Variants in KCNT1 observed in about 807,000 individuals in gnomAD.
KCNT1 encodes potassium channel subfamily T member 1.
A neutral mutation model predicts 147.8 loss-of-function variants in KCNT1; 78 were observed. That is an observed-to-expected ratio of 0.53 (90% CI 0.44 to 0.64). KCNT1 has a LOEUF of 0.64. Among genes scored for constraint, KCNT1 ranks in the 30% least tolerant of loss-of-function variants. The pLI, the probability that KCNT1 is intolerant of heterozygous loss-of-function variation, is 0.00. For synonymous variants in KCNT1, 867 were observed against 748.8 expected, an observed-to-expected ratio of 1.16 and a Z score of -2.58; for missense variants, 1,419 against 1,750.3, an observed-to-expected ratio of 0.81 and a Z score of 3.38.
At chr9:135,705,901 C>T (rs1211004322) in intron 1 of KCNT1, among the ~76,000 whole-genome samples, 11 of 58,306 alleles carry the variant, frequency 1.9e-4, no homozygotes, top group South Asian at 1.2e-3. Flanking sequence ...AGATCGGGGG[C>T]GGGAGGTGGG....
chr9:135,788,156 T>G, intron 29 of KCNT1: 3 of 1,612,548 alleles, frequency 1.9e-6, no homozygotes, highest in Non-Finnish European at 1.7e-6. Context: ...CCTGGGATAT[T>G]TGCAAGGTAA....
At chr9:135,742,679 T>C in intron 2 of KCNT1, 1 of 712,892 alleles carries the variant, frequency 1.4e-6, no homozygotes, top group East Asian at 2.7e-5. Flanking sequence ...GTCTGTCTAC[T>C]GCCTTCTCCA....
At position 135,784,513 on chromosome 9, in the gene KCNT1, CCCT is replaced by C; in HGVS notation, c.2944-19_2944-17del. The C allele has an allele frequency of 1.8e-6, 1 of 559,122 alleles. No individual in the cohort carries two copies. The highest frequency in any genetic ancestry group is 3.3e-6 in the Non-Finnish European group (1 of 306,612). The allele number at this position is 559,122 out of a possible 1,614,324, so 34.6% of individuals were successfully genotyped here. On this transcript the variant is annotated intron_variant, in intron 25 of 30. Transcript: ENST00000371757. Reference sequence around the variant, plus strand: ...TCCCTCCCTCCCTCCCTCCCTCCCTCCCTCCCTCCCTCCCTGGCCAGTCCTTCG... The same window carrying C: ...TCCCTCCCTCCCTCCCTCCCTCCCTCCCCTCCCTCCCTGGCCAGTCCTTCG...
intron 2 of KCNT1, among the ~76,000 whole-genome samples, chr9:135,741,428 C>T (rs769509182): frequency 6.6e-6 from 1 of 152,230 alleles, no homozygotes; most frequent in Admixed American, 6.5e-5. Context: ...ACGGCTGTTG[C>T]CCTGGCTCAG....
chr9:135,772,488 A>G (rs2131519017), intron 18 of KCNT1, among the ~76,000 whole-genome samples: 1 of 152,238 alleles, frequency 6.6e-6, no homozygotes, highest in Middle Eastern at 3.4e-3. Context: ...CCGATGGGGC[A>G]CTGGGGCCCC....
chr9:135,781,456 C>G (rs998439), intron 24 of KCNT1, among the ~76,000 whole-genome samples: 16,866 of 152,278 alleles, frequency 0.11, 1,259 homozygotes, highest in South Asian at 0.18. Context: ...TGCGTCTTCT[C>G]CAGCCTGGGT....
At position 135,786,190 on chromosome 9, in the gene KCNT1, T is replaced by TGCCCA. The variant is rs772240955; in HGVS notation, c.3178-5_3178-1dup. On this transcript the variant is annotated splice_region_variant and splice_polypyrimidine_tract_variant and intron_variant, in intron 28 of 30. Coordinates refer to ENST00000371757, the MANE Select transcript of KCNT1 (RefSeq NM_020822.3). The stretch of plus-strand genomic sequence containing the variant: ...CTCCCCGCCCTGCCCTGCCCTGCCC[T>TGCCCA]GCCCAGTCCCAGATCTCGGTGAACG... 22 of 1,253,886 alleles carry TGCCCA rather than the reference T, an allele frequency of 1.8e-5. No homozygotes were observed. Among genetic ancestry groups the TGCCCA allele is most frequent in the Admixed American group, 3.6e-5 (2 of 55,586 alleles). 77.7% of individuals were successfully genotyped at this position (1,253,886 alleles called of 1,614,324 possible).
At chr9:135,732,322 A>G (rs1830136593) in intron 2 of KCNT1, among the ~76,000 whole-genome samples, 2 of 152,062 alleles carry the variant, frequency 1.3e-5, no homozygotes, top group East Asian at 1.9e-4. Flanking sequence ...ACTGGCTTCA[A>G]ATATATTTTA....
At chr9:135,720,659 G>C (rs1835889768) in intron 2 of KCNT1, among the ~76,000 whole-genome samples, 1 of 152,134 alleles carries the variant, frequency 6.6e-6, no homozygotes, top group Non-Finnish European at 1.5e-5. Flanking sequence ...GGTCCTGCCT[G>C]TACCCCCAAC....
At chr9:135,734,653 G>A (rs574303187) in intron 2 of KCNT1, among the ~76,000 whole-genome samples, 2 of 152,164 alleles carry the variant, frequency 1.3e-5, no homozygotes, top group South Asian at 2.1e-4. Context: ...CTGCACTCTC[G>A]AAAAGCAGGA....
chr9:135,758,572 C>G, intron 10 of KCNT1, 64 bp downstream of exon 10: 1 of 1,320,814 alleles, frequency 7.6e-7, no homozygotes, highest in Non-Finnish European at 1.1e-6. Flanking sequence ...GCAAGCAGGG[C>G]CGGGCGAGGG....
At chr9:135,786,614 C>T in intron 29 of KCNT1, 93 bp downstream of exon 29, 2 of 1,192,738 alleles carry the variant, frequency 1.7e-6, no homozygotes, top group East Asian at 2.8e-5. Flanking sequence ...GTCCCGGGGC[C>T]CGGGCCGTCC....
At chr9:135,770,770 ACT>A in intron 17 of KCNT1, 85 bp from the exon 18 acceptor site, 1 of 1,268,864 alleles carries the variant, frequency 7.9e-7, no homozygotes. Flanking sequence ...TCCGGTGGGG[ACT>A]CTGGTGATTT....
intron 20 of KCNT1, among the ~76,000 whole-genome samples, chr9:135,776,420 G>A (rs1324858170): frequency 1.3e-5 from 2 of 151,794 alleles, no homozygotes; most frequent in African/African-American, 2.4e-5. Flanking sequence ...ACCACACCTG[G>A]CTAATTTTAT....
intron 13 of KCNT1, among the ~76,000 whole-genome samples, chr9:135,767,911 G>A (rs1832399291): frequency 6.6e-6 from 1 of 152,000 alleles, no homozygotes; most frequent in South Asian, 2.1e-4. Flanking sequence ...GCCAGGAGAA[G>A]CTGTCAGCTG....
chr9:135,714,932 G>C lies in KCNT1; in HGVS notation c.254+212G>C, dbSNP rs1298878104. ...GGAGGGGGTCTCCGGAGGAGGGCGC[G>C]GGATGCTCGGAGCTGCGGAGTCTTC... On this transcript the variant is annotated intron_variant, in intron 2 of 30. Coordinates refer to ENST00000371757, the MANE Select transcript of KCNT1 (RefSeq NM_020822.3). This position sits in a 1 kb window ranked among gnomAD's most constrained non-coding sequence, Gnocchi z 6.2. Among the ~76,000 whole-genome samples the C allele has an allele frequency of 1.3e-5, 2 of 152,208 alleles. No homozygotes were observed. The highest frequency in any genetic ancestry group is 2.9e-5 in the Non-Finnish European group (2 of 68,032).
intron 2 of KCNT1, among the ~76,000 whole-genome samples, chr9:135,720,020 G>A (rs1325548105): frequency 4.6e-5 from 7 of 152,282 alleles, no homozygotes; most frequent in Middle Eastern, 3.4e-3. Context: ...AACAGGGCCC[G>A]GCATTGCTGG....
At chr9:135,758,875 G>A (rs1172147608) in intron 10 of KCNT1, among the ~76,000 whole-genome samples, 1 of 152,202 alleles carries the variant, frequency 6.6e-6, no homozygotes. Flanking sequence ...AGGTGGGGGT[G>A]CCCAGAGCTG....
intron 4 of KCNT1, among the ~76,000 whole-genome samples, 189 bp downstream of exon 4, chr9:135,751,230 C>T (rs141466453): frequency 1.6e-3 from 248 of 152,178 alleles, no homozygotes; most frequent in Non-Finnish European, 1.7e-3. Flanking sequence ...CTCCCGCAGA[C>T]GGCTCAGCGT....
Sources: allele counts gnomAD v4.1 joint callset (sites outside exome capture counted in the v4.1 genomes callset), GRCh38; gene constraint gnomAD v4.1.1; non-coding constraint Gnocchi (gnomAD v3.1); transcripts MANE v1.5; gene names NCBI Gene and HGNC (gene_info 2026-07-23, HGNC 2026-07-21).